GRM8: variants seen among roughly 807,000 people sequenced by gnomAD.
The protein encoded by GRM8 is glutamate metabotropic receptor 8, also known as metabotropic glutamate receptor 8.
A neutral mutation model predicts 87.2 loss-of-function variants in GRM8; 47 were observed. The ratio of observed to expected loss-of-function variants is 0.54; its 90% CI spans 0.43 to 0.69. The LOEUF (loss-of-function observed/expected upper bound fraction) is 0.69. GRM8 is among the 30% of genes least tolerant of loss of function. GRM8 has a pLI of 0.00. For missense variants in GRM8, 1,019 were observed against 1,139.2 expected, an observed-to-expected ratio of 0.89 and a Z score of 1.52; for synonymous variants, 396 against 404.5, an observed-to-expected ratio of 0.98 and a Z score of 0.25.
chr7:126,607,813 G>C (rs1798510902), intron 8 of GRM8, among the ~76,000 whole-genome samples: 1 of 151,098 alleles, frequency 6.6e-6, no homozygotes, highest in Admixed American at 6.6e-5. Context: ...TCGTCATCTA[G>C]CATTAGGTAT....
intron 8 of GRM8, among the ~76,000 whole-genome samples, chr7:126,573,181 G>T (rs1254900097): frequency 1.3e-5 from 2 of 152,150 alleles, no homozygotes; most frequent in African/African-American, 2.4e-5. Context: ...TGTTTACACA[G>T]TCATCATAAT....
chr7:126,558,687 T>G (rs1793397331), intron 8 of GRM8, among the ~76,000 whole-genome samples: 1 of 152,194 alleles, frequency 6.6e-6, no homozygotes, highest in Non-Finnish European at 1.5e-5. Context: ...AAAAAGTCTT[T>G]ACATGTTTAG....
intron 9 of GRM8, among the ~76,000 whole-genome samples, chr7:126,509,515 A>G (rs2299447): frequency 0.83 from 125,674 of 152,012 alleles, 52,374 homozygotes; most frequent in African/African-American, 0.94. Context: ...TAGAAAGCAC[A>G]TTAAAACAAA....
intron 6 of GRM8, among the ~76,000 whole-genome samples, chr7:126,777,613 T>G (rs1819622353): frequency 1.3e-5 from 2 of 152,172 alleles, no homozygotes; most frequent in South Asian, 4.1e-4. Flanking sequence ...GCACTTGTGT[T>G]AATCTTTAAA....
intron 8 of GRM8, among the ~76,000 whole-genome samples, chr7:126,569,905 G>A (rs1450953177): frequency 6.6e-6 from 1 of 151,996 alleles, no homozygotes; most frequent in Admixed American, 6.6e-5. Flanking sequence ...TTAAATTCCA[G>A]TCCTTAAAAA....
chr7:126,929,203 A>C (rs1440922630), intron 3 of GRM8, among the ~76,000 whole-genome samples: 4 of 152,238 alleles, frequency 2.6e-5, no homozygotes, highest in South Asian at 2.1e-4. Flanking sequence ...AAGCTTAAAA[A>C]TAAGATAGTC....
chr7:126,966,765 T>C (rs1384144752), intron 3 of GRM8, among the ~76,000 whole-genome samples: 1 of 152,148 alleles, frequency 6.6e-6, no homozygotes. Context: ...AATAATTTGC[T>C]ACTCAACTCG....
At chr7:127,117,804 A>C (rs1826790503) in intron 2 of GRM8, among the ~76,000 whole-genome samples, 1 of 152,190 alleles carries the variant, frequency 6.6e-6, no homozygotes, top group Admixed American at 6.5e-5. Context: ...GCTGTGGTTC[A>C]ATTTTTCCCC....
chr7:126,996,219 C>T (rs558832403), intron 3 of GRM8, among the ~76,000 whole-genome samples: 6 of 152,058 alleles, frequency 3.9e-5, no homozygotes, highest in African/African-American at 1.4e-4. Context: ...GTTCTTCAAT[C>T]TGAAAGAGAA....
intron 6 of GRM8, among the ~76,000 whole-genome samples, chr7:126,770,830 G>T (rs977637139): frequency 6.6e-6 from 1 of 151,942 alleles, no homozygotes; most frequent in Non-Finnish European, 1.5e-5. Flanking sequence ...TTTTGAAAGC[G>T]AGGAAACTAA....
chr7:126,836,332 G>T (rs1795826900), intron 6 of GRM8, among the ~76,000 whole-genome samples: 2 of 152,054 alleles, frequency 1.3e-5, no homozygotes, highest in Admixed American at 6.5e-5. Context: ...AATTTCCTGG[G>T]AGCACCACCA....
chr7:127,177,263 G>A (rs184626300), intron 2 of GRM8, among the ~76,000 whole-genome samples: 5 of 152,264 alleles, frequency 3.3e-5, no homozygotes, highest in Admixed American at 2.6e-4. Context: ...TGACTCAGGA[G>A]AGGCAGCCAT....
At chr7:126,735,315 A>T (rs1814082667) in intron 7 of GRM8, among the ~76,000 whole-genome samples, 1 of 152,136 alleles carries the variant, frequency 6.6e-6, no homozygotes, top group South Asian at 2.1e-4. Context: ...CAAAAGAATA[A>T]ATACAATGGC....
At chr7:126,690,498 C>T (rs1027285901) in intron 7 of GRM8, among the ~76,000 whole-genome samples, 11 of 152,318 alleles carry the variant, frequency 7.2e-5, no homozygotes, top group East Asian at 1.9e-4. Flanking sequence ...CACCAGGAAC[C>T]GCAGAGCCCC....
chr7:127,200,721 C>T (rs956906280), intron 2 of GRM8, among the ~76,000 whole-genome samples: 6 of 152,184 alleles, frequency 3.9e-5, no homozygotes, highest in African/African-American at 1.4e-4. Flanking sequence ...GCTTTCGCCC[C>T]TGTGTGTGTG....
intron 8 of GRM8, among the ~76,000 whole-genome samples, chr7:126,552,357 A>T (rs991811968): frequency 6.6e-6 from 1 of 152,166 alleles, no homozygotes; most frequent in Non-Finnish European, 1.5e-5. Context: ...TACTTAAGCT[A>T]GCATTTGCAC....
At chr7:126,519,185 G>A (rs1362025677) in intron 9 of GRM8, among the ~76,000 whole-genome samples, 1 of 152,020 alleles carries the variant, frequency 6.6e-6, no homozygotes, top group Non-Finnish European at 1.5e-5. Context: ...CTGAGGAATC[G>A]CTGAATGGAA....
intron 1 of GRM8, among the ~76,000 whole-genome samples, chr7:127,250,428 G>C (rs968281440): frequency 1.3e-5 from 2 of 152,206 alleles, no homozygotes; most frequent in African/African-American, 4.8e-5. Flanking sequence ...ACAGTATACA[G>C]CTGTGTTCTC....
chr7:126,829,990 G>A (rs1795202146), intron 6 of GRM8, among the ~76,000 whole-genome samples: 1 of 152,000 alleles, frequency 6.6e-6, no homozygotes, highest in African/African-American at 2.4e-5. Context: ...ATGAAATTCT[G>A]GGTTGAAAAT....
Sources: allele counts gnomAD v4.1 joint callset (sites outside exome capture counted in the v4.1 genomes callset), GRCh38; gene constraint gnomAD v4.1.1; transcripts MANE v1.5; gene names NCBI Gene and HGNC (gene_info 2026-07-23, HGNC 2026-07-21).